The following LMBR1 variants were observed in gnomAD, a reference collection of about 807,000 sequenced individuals.
LMBR1 encodes limb region 1 protein homolog.
In LMBR1, 52 loss-of-function variants were observed where a neutral mutation model predicts 73.9. The ratio of observed to expected loss-of-function variants is 0.70; its 90% CI spans 0.56 to 0.89. LMBR1 has a LOEUF of 0.89. LMBR1 is among the 40% of genes least tolerant of loss of function. LMBR1 has a pLI of 0.00. For missense variants in LMBR1, 539 were observed against 579.8 expected, an observed-to-expected ratio of 0.93 and a Z score of 0.72; for synonymous variants, 215 against 209.4, an observed-to-expected ratio of 1.03 and a Z score of -0.23.
intron 4 of LMBR1, among the ~76,000 whole-genome samples, chr7:156,816,641 T>C (rs1585994496): frequency 6.6e-6 from 1 of 152,298 alleles, no homozygotes; most frequent in South Asian, 2.1e-4. Context: ...CAGACTCAAC[T>C]TACGCTAATC....
chr7:156,844,256 G>A (rs1839219998), intron 1 of LMBR1, among the ~76,000 whole-genome samples: 1 of 152,048 alleles, frequency 6.6e-6, no homozygotes, highest in African/African-American at 2.4e-5. Context: ...CCCGGGAGAA[G>A]CAGGTTGCAG....
chr7:156,796,546 G>A, intron 4 of LMBR1, 54 bp from the exon 5 acceptor site: 6 of 1,157,418 alleles, frequency 5.2e-6, no homozygotes, highest in Middle Eastern at 2.7e-4. Context: ...TTGAAATTGT[G>A]GTATTAATCA....
At chr7:156,818,246 T>A (rs866843376) in intron 4 of LMBR1, among the ~76,000 whole-genome samples, 4 of 152,234 alleles carry the variant, frequency 2.6e-5, no homozygotes, top group African/African-American at 9.6e-5. Flanking sequence ...GGATTTTGCA[T>A]TGTTCCTTCA....
chr7:156,859,515 G>A (rs1797440937), intron 1 of LMBR1, among the ~76,000 whole-genome samples: 1 of 151,676 alleles, frequency 6.6e-6, no homozygotes, highest in Admixed American at 6.6e-5. Flanking sequence ...AAAAGTTAAT[G>A]TTCAAAAATA....
chr7:156,812,633 AT>A (rs1833283246), intron 4 of LMBR1, among the ~76,000 whole-genome samples: 1 of 152,140 alleles, frequency 6.6e-6, no homozygotes, highest in African/African-American at 2.4e-5. Flanking sequence ...CACTGTGAAC[AT>A]CTTGATTTCA....
chr7:156,849,770 T>C (rs1463829584), intron 1 of LMBR1, among the ~76,000 whole-genome samples: 2 of 152,132 alleles, frequency 1.3e-5, no homozygotes, highest in Non-Finnish European at 2.9e-5. Flanking sequence ...CATGTTCTTA[T>C]AAAATTTTCC....
At chr7:156,838,152 A>ATTTT (rs1837993492) in intron 1 of LMBR1, among the ~76,000 whole-genome samples, 1 of 152,222 alleles carries the variant, frequency 6.6e-6, no homozygotes, top group South Asian at 2.1e-4. Flanking sequence ...AATGTTTTAA[A>ATTTT]ATAAGATACA....
intron 10 of LMBR1, among the ~76,000 whole-genome samples, chr7:156,731,920 T>C (rs985904378): frequency 5.3e-5 from 8 of 150,544 alleles, no homozygotes; most frequent in African/African-American, 2.0e-4. Flanking sequence ...CCATATCTAG[T>C]ATGTACCCTG....
chr7:156,745,181 T>C (rs186781811), intron 9 of LMBR1, among the ~76,000 whole-genome samples: 59 of 152,330 alleles, frequency 3.9e-4, no homozygotes, highest in African/African-American at 1.3e-3. Flanking sequence ...CTATTAAGCT[T>C]TTTATTTTTT....
intron 3 of LMBR1, among the ~76,000 whole-genome samples, chr7:156,830,263 TG>T (rs1836444133): frequency 6.6e-6 from 1 of 152,216 alleles, no homozygotes; most frequent in South Asian, 2.1e-4. Context: ...ATCAATAAAA[TG>T]AAAGACCTCA....
chr7:156,864,047 G>A (rs557649928), intron 1 of LMBR1, among the ~76,000 whole-genome samples: 12 of 152,160 alleles, frequency 7.9e-5, no homozygotes, highest in East Asian at 3.9e-4. Context: ...CTAGCTACTC[G>A]GGAGGCTGAG....
intron 5 of LMBR1, among the ~76,000 whole-genome samples, chr7:156,771,473 A>G (rs1825170615): frequency 6.6e-6 from 1 of 152,194 alleles, no homozygotes; most frequent in South Asian, 2.1e-4. Flanking sequence ...TAGAAAACTT[A>G]GCAGAAATGG....
Position 156,723,528 on chromosome 7 carries a change from T to C in LMBR1, c.1225+584A>G, listed in dbSNP as rs1207436512. On this transcript the variant is annotated intron_variant, in intron 15 of 16. Transcript: ENST00000353442. ...CTAAGGGAAGACTTACTCAACTATT[T>C]CAATGACAAAGCAAAAATCTGTTTT... 4.6e-5 allele frequency among the ~76,000 whole-genome samples: 7 copies of C among 152,082 alleles called. No individual in the cohort carries two copies. In the East Asian group the frequency reaches 1.3e-3, roughly 29 times the overall value.
At chr7:156,778,668 C>A (rs967605861) in intron 5 of LMBR1, among the ~76,000 whole-genome samples, 1 of 152,162 alleles carries the variant, frequency 6.6e-6, no homozygotes, top group African/African-American at 2.4e-5. Context: ...TACAAGTACT[C>A]AAAATCTATA....
Position 156,833,934 on chromosome 7 carries a change from A to G in LMBR1, c.140-142T>C, listed in dbSNP as rs1837151618. The G allele has an allele frequency of 2.9e-5, 17 of 587,926 alleles. No individual in the cohort carries two copies. In the South Asian group the frequency reaches 4.1e-4, roughly 14 times the overall value. 36.4% of individuals were successfully genotyped at this position (587,926 alleles called of 1,614,324 possible). On this transcript the variant is annotated intron_variant, in intron 2 of 16. Coordinates refer to ENST00000353442, the MANE Select transcript of LMBR1 (RefSeq NM_022458.4). ...TTTCAAAAAGCACTGTATTTGTTTC[A>G]GCATAGATCCAAATTTAAATCTCAT...
At chr7:156,891,048 G>C (rs896692252) in intron 1 of LMBR1, among the ~76,000 whole-genome samples, 4 of 151,422 alleles carry the variant, frequency 2.6e-5, no homozygotes, top group African/African-American at 7.3e-5. Flanking sequence ...AAAATTAGCT[G>C]GGTGTGGTGG....
intron 14 of LMBR1, among the ~76,000 whole-genome samples, 165 bp from the exon 15 acceptor site, chr7:156,724,343 T>C (rs1815261795): frequency 1.3e-5 from 2 of 152,148 alleles, no homozygotes; most frequent in Non-Finnish European, 1.5e-5. Flanking sequence ...AACACACTTT[T>C]AAAATAAATA....
chr7:156,767,207 A>G (rs551966920), intron 5 of LMBR1, among the ~76,000 whole-genome samples: 3 of 152,264 alleles, frequency 2.0e-5, no homozygotes, highest in African/African-American at 4.8e-5. Context: ...TTTAGGAAGC[A>G]GACGGACTCA....
chr7:156,865,838 A>C (rs1798370639), intron 1 of LMBR1, among the ~76,000 whole-genome samples: 1 of 152,188 alleles, frequency 6.6e-6, no homozygotes, highest in South Asian at 2.1e-4. Context: ...GGTATGGGGG[A>C]AATAGCCTTT....
Sources: allele counts gnomAD v4.1 joint callset (sites outside exome capture counted in the v4.1 genomes callset), GRCh38; gene constraint gnomAD v4.1.1; transcripts MANE v1.5; gene names NCBI Gene and HGNC (gene_info 2026-07-23, HGNC 2026-07-21).